CLEC17A: variants seen among roughly 807,000 people sequenced by gnomAD.
CLEC17A encodes the protein C-type lectin domain containing 17A.
CLEC17A carries 37 observed loss-of-function variants against 61.3 expected under a neutral mutation model. The ratio of observed to expected loss-of-function variants is 0.60; its 90% CI spans 0.46 to 0.79. The LOEUF is 0.79. Ranked by LOEUF, CLEC17A falls within the 30% of genes least tolerant of loss-of-function variation. CLEC17A has a pLI of 0.00. For missense variants in CLEC17A, 418 were observed against 464.7 expected (o/e 0.90, Z 0.92); for synonymous variants, 168 against 164.9 (o/e 1.02, Z -0.14).
intron 5 of CLEC17A, 36 bp downstream of exon 5, chr19:14,594,585 T>C (rs2074498539): frequency 6.2e-7 from 1 of 1,613,276 alleles, no homozygotes; most frequent in South Asian, 1.1e-5. Context: ...GACCCAGAGC[T>C]GGCTTTGCCC....
At chr19:14,592,905 A>G (rs1358033891) in intron 4 of CLEC17A, among the ~76,000 whole-genome samples, 2 of 152,006 alleles carry the variant, frequency 1.3e-5, no homozygotes, top group African/African-American at 4.8e-5. Flanking sequence ...GCCTCAAGTG[A>G]TCCGCCTGCC....
intron 3 of CLEC17A, among the ~76,000 whole-genome samples, chr19:14,590,311 C>A (rs1374385590): frequency 6.6e-6 from 1 of 152,018 alleles, no homozygotes; most frequent in African/African-American, 2.4e-5. Context: ...ATCCCTATTG[C>A]TCTGTTTTAT....
intron 3 of CLEC17A, among the ~76,000 whole-genome samples, chr19:14,590,025 A>G (rs2074372415): frequency 1.4e-5 from 2 of 140,270 alleles, no homozygotes; most frequent in Admixed American, 1.5e-4. Context: ...CTTGACTACA[A>G]TCACGCAAGA....
At chr19:14,581,492 C>T (rs2074181841), upstream of CLEC17A, among the ~76,000 whole-genome samples, 1 of 145,202 alleles carries the variant, frequency 6.9e-6, no homozygotes, top group Admixed American at 6.9e-5. Flanking sequence ...TCCAGCTATT[C>T]TTTTTTTTTT....
At position 14,587,813 on chromosome 19, in the gene CLEC17A, G is replaced by A; in HGVS notation, c.199+122G>A. Reference sequence around the variant, plus strand: ...CTCTACACAGCCCATGCCGGGCACTGTGGAACCCACACCCTGCCCAGGAGG... The same window carrying A: ...CTCTACACAGCCCATGCCGGGCACTATGGAACCCACACCCTGCCCAGGAGG... On this transcript the variant is annotated intron_variant, in intron 3 of 13. Transcript: ENST00000417570. The A allele has an allele frequency of 2.6e-6, 4 of 1,529,318 alleles. 1 individual carries two copies. In the South Asian group the frequency reaches 5.0e-5, roughly 19 times the overall value. The allele number at this position is 1,529,318 out of a possible 1,614,324, so 94.7% of individuals were successfully genotyped here. A position where few individuals can be genotyped will look rare whatever the true frequency, so the allele number is the denominator to read the frequency against.
At chr19:14,601,299 T>C (rs1245653086) in intron 12 of CLEC17A, among the ~76,000 whole-genome samples, 2 of 152,186 alleles carry the variant, frequency 1.3e-5, no homozygotes, top group African/African-American at 4.8e-5. Flanking sequence ...AGAGTTTCCA[T>C]TTACTTTTGC....
chr19:14,582,710 C>T (rs1354513723), upstream of CLEC17A, among the ~76,000 whole-genome samples: 5 of 152,188 alleles, frequency 3.3e-5, no homozygotes, highest in South Asian at 6.2e-4. Flanking sequence ...CAGGTTCAAG[C>T]GATTCTCCTG....
At chr19:14,598,327 A>T (rs112022997) in intron 10 of CLEC17A, among the ~76,000 whole-genome samples, 8 of 115,694 alleles carry the variant, frequency 6.9e-5, no homozygotes, top group African/African-American at 1.6e-4. Flanking sequence ...TCTCTCTCTC[A>T]CTATCTCTTT....
At chr19:14,600,254 C>T (rs1242652420) in intron 12 of CLEC17A, 72 bp downstream of exon 12, 2 of 1,536,226 alleles carry the variant, frequency 1.3e-6, no homozygotes, top group East Asian at 2.3e-5. Flanking sequence ...GCACACATCC[C>T]TCCCTTCCCT....
Position 14,594,755 on chromosome 19 carries a change from C to G in CLEC17A, c.362-4C>G. 6.2e-7 allele frequency: 1 copy of G among 1,614,024 alleles called. No homozygotes were observed. Among genetic ancestry groups the G allele is most frequent in the South Asian group, 1.1e-5 (1 of 91,086 alleles). ...TCTTGAAATGACTTTCTCATCTCTT[C>G]TAGGCCTGGACCTCGCCGCTGTCAC... On this transcript the variant is annotated splice_polypyrimidine_tract_variant and splice_region_variant and intron_variant, in intron 6 of 13. Transcript: ENST00000417570.
chr19:14,594,868 A>G (rs2074505501), intron 7 of CLEC17A, 68 bp downstream of exon 7: 2 of 1,412,606 alleles, frequency 1.4e-6, no homozygotes, highest in African/African-American at 2.9e-5. Context: ...TCAATCCCCC[A>G]ATTTTTATTT....
chr19:14,598,754 C>T (rs546819632), intron 10 of CLEC17A, among the ~76,000 whole-genome samples: 1 of 152,210 alleles, frequency 6.6e-6, no homozygotes, highest in South Asian at 2.1e-4. Flanking sequence ...GGATTATGGG[C>T]ATGAGCCACT....
intron 4 of CLEC17A, among the ~76,000 whole-genome samples, chr19:14,593,849 C>T (rs1308794355): frequency 6.6e-6 from 1 of 151,994 alleles, no homozygotes; most frequent in East Asian, 1.9e-4. Context: ...GTAGTCCCAG[C>T]TACTTGGGAG....
chr19:14,593,765 CCTAG>C (rs1013179364), intron 4 of CLEC17A, among the ~76,000 whole-genome samples: 3 of 150,112 alleles, frequency 2.0e-5, no homozygotes, highest in Non-Finnish European at 3.0e-5. Flanking sequence ...TTGAGACCAT[CCTAG>C]CTAACACGGT....
In CLEC17A at chr19:14,610,942, A is replaced by G. The variant is rs901768997; in HGVS notation, c.*746A>G. 1.2e-4 allele frequency: 18 copies of G among 151,616 alleles called. No individual in the cohort carries two copies. Among genetic ancestry groups the G allele is most frequent in the African/African-American group, 4.4e-4 (18 of 41,318 alleles). The allele number at this position is 151,616 out of a possible 1,614,324, so 9.4% of individuals were successfully genotyped here. A position where few individuals can be genotyped will look rare whatever the true frequency, so the allele number is the denominator to read the frequency against. On this transcript the variant is annotated 3_prime_UTR_variant, in exon 14 of 14. Coordinates refer to ENST00000417570, the MANE Select transcript of CLEC17A (RefSeq NM_001204118.2). ...CTCCCAAAGTGCTGGGATTACAGGC[A>G]TGTGTCACCGTACCTGGCCGATATT...
chr19:14,610,461 G>C lies in CLEC17A; in HGVS notation c.*265G>C. The stretch of plus-strand genomic sequence containing the variant: ...GGTCTCCCACTTCTGGGGTTGAAAG[G>C]ATCTTCACTAAGTTCCTGATCATGA... On this transcript the variant is annotated 3_prime_UTR_variant, in exon 14 of 14. Coordinates refer to ENST00000417570, the MANE Select transcript of CLEC17A (RefSeq NM_001204118.2). The C allele has an allele frequency of 2.1e-6, 1 of 471,310 alleles. No individual in the cohort carries two copies. The highest frequency in any genetic ancestry group is 3.9e-6 in the Non-Finnish European group (1 of 257,560). The allele number at this position is 471,310 out of a possible 1,614,324, so 29.2% of individuals were successfully genotyped here. A position where few individuals can be genotyped will look rare whatever the true frequency, so the allele number is the denominator to read the frequency against.
chr19:14,595,761 TTGA>T (rs2074528991), intron 8 of CLEC17A, among the ~76,000 whole-genome samples: 1 of 91,270 alleles, frequency 1.1e-5, no homozygotes, highest in Non-Finnish European at 2.3e-5. Context: ...GTTGTTGGTA[TTGA>T]TGATGGTAAT....
At position 14,595,261 on chromosome 19, in the gene CLEC17A, C is replaced by T. The variant is rs747355377; in HGVS notation, c.404-13C>T. On this transcript the variant is annotated splice_polypyrimidine_tract_variant and intron_variant, in intron 7 of 13. Coordinates refer to ENST00000417570, the MANE Select transcript of CLEC17A (RefSeq NM_001204118.2). ...GCATCTTCTGAATAAACCTCTCTCC[C>T]CCTTTCTCCCAGCTGTGAATCTTGA... is the stretch of plus-strand genomic sequence containing the variant. The T allele has an allele frequency of 1.2e-6, 2 of 1,613,922 alleles. No homozygotes were observed. Among genetic ancestry groups the T allele is most frequent in the East Asian group, 2.2e-5 (1 of 44,880 alleles).
intron 3 of CLEC17A, among the ~76,000 whole-genome samples, 199 bp downstream of exon 3, chr19:14,587,890 G>C (rs1366416163): frequency 2.0e-5 from 3 of 152,116 alleles, no homozygotes; most frequent in Non-Finnish European, 4.4e-5. Flanking sequence ...TGGTGAGCAG[G>C]GTGAGAGAGG....
Sources: gnomAD v4.1 joint callset for allele counts (sites outside exome capture counted in the v4.1 genomes callset) on GRCh38, gnomAD v4.1.1 for gene constraint, MANE v1.5 for transcripts, NCBI Gene and HGNC (gene_info 2026-07-23, HGNC 2026-07-21) for gene names.